The following EPHA7 variants were observed in gnomAD, a reference collection of about 807,000 sequenced individuals.
EPHA7 encodes EPH receptor A7.
In EPHA7, 25 loss-of-function variants were observed where a neutral mutation model predicts 112.6. That is an observed-to-expected ratio of 0.22 (90% CI 0.16 to 0.31). EPHA7 has a LOEUF of 0.31. EPHA7 is among the 10% of genes least tolerant of loss of function. The pLI is 1.00. For missense variants in EPHA7, 962 were observed against 1,212.6 expected (o/e 0.79, Z 3.07); for synonymous variants, 437 against 406.5 (o/e 1.07, Z -0.90).
At chr6:93,275,881 A>T (rs571025059) in intron 5 of EPHA7, among the ~76,000 whole-genome samples, 56 of 152,118 alleles carry the variant, frequency 3.7e-4, no homozygotes, top group Admixed American at 5.2e-4. Flanking sequence ...ATCTTAATCA[A>T]TTTCCAACTA....
At chr6:93,257,292 C>G (rs1181738135) in intron 12 of EPHA7, among the ~76,000 whole-genome samples, 170 bp downstream of exon 12, 1 of 152,024 alleles carries the variant, frequency 6.6e-6, no homozygotes, top group African/African-American at 2.4e-5. Context: ...TCAAAATATT[C>G]TAGTTTAATC....
chr6:93,334,571 T>C (rs1774763515), intron 5 of EPHA7, among the ~76,000 whole-genome samples: 1 of 152,018 alleles, frequency 6.6e-6, no homozygotes, highest in South Asian at 2.1e-4. Flanking sequence ...CTAACCAGCA[T>C]ATATAATACC....
At chr6:93,384,165 A>T (rs1777485269) in intron 3 of EPHA7, among the ~76,000 whole-genome samples, 2 of 152,130 alleles carry the variant, frequency 1.3e-5, no homozygotes, top group Admixed American at 1.3e-4. Flanking sequence ...CAGAAACCTA[A>T]TGTCATGTGT....
chr6:93,359,874 G>GAGAGAGAGAGAGAGAGAT (rs1462833873), intron 3 of EPHA7, among the ~76,000 whole-genome samples: 106 of 127,900 alleles, frequency 8.3e-4, no homozygotes, highest in South Asian at 1.6e-3. Context: ...GAGAGAGAGA[G>GAGAGAGAGAGAGAGAGAT]AGATAGATAG....
chr6:93,383,898 G>A lies in EPHA7; in HGVS notation c.833-25487C>T, dbSNP rs1261770566. ...AGACAAGGTCTTGCTTTGTTGCCCA[G>A]GCTGATCTCAAACTCCTAGCTTCAA... On this transcript the variant is annotated intron_variant, in intron 3 of 16. Transcript: ENST00000369303. Among the ~76,000 whole-genome samples, 3 of 152,032 alleles carry A rather than the reference G, an allele frequency of 2.0e-5. No homozygotes were observed. The East Asian group carries it at 5.8e-4, about 30-fold the overall frequency.
intron 5 of EPHA7, among the ~76,000 whole-genome samples, chr6:93,337,879 A>C (rs1351205718): frequency 6.6e-6 from 1 of 152,078 alleles, no homozygotes; most frequent in Non-Finnish European, 1.5e-5. Flanking sequence ...TTCATATTGT[A>C]GCATGCTTTT....
At position 93,284,921 on chromosome 6, in the gene EPHA7, A is replaced by G. The variant is rs187590957; in HGVS notation, c.1325-12499T>C. On this transcript the variant is annotated intron_variant, in intron 5 of 16. Coordinates refer to ENST00000369303, the MANE Select transcript of EPHA7 (RefSeq NM_004440.4). ...GATGATGGGTTGATGGGTGCAGCAA[A>G]CCACCATGGCGTGTGTATACCTATG... is the stretch of plus-strand genomic sequence containing the variant. Among the ~76,000 whole-genome samples, 1,376 of 152,136 alleles carry G rather than the reference A, an allele frequency of 9.0e-3. 13 individuals are homozygous for G. The highest frequency in any genetic ancestry group is 0.013 in the Non-Finnish European group (906 of 68,022).
chr6:93,405,809 GTGTGTATA>G (rs1176071344), intron 3 of EPHA7, among the ~76,000 whole-genome samples: 55 of 61,610 alleles, frequency 8.9e-4, no homozygotes, highest in African/African-American at 4.5e-3. Flanking sequence ...GTGTGTGTGT[GTGTGTATA>G]TATATATATA....
At chr6:93,245,490 T>C (rs1329673197) in intron 15 of EPHA7, 37 bp from the exon 16 acceptor site, 1 of 1,589,992 alleles carries the variant, frequency 6.3e-7, no homozygotes, top group Non-Finnish European at 8.5e-7. Flanking sequence ...AACATTATCC[T>C]GAAATACCAA....
At chr6:93,303,093 G>A (rs1018879193) in intron 5 of EPHA7, among the ~76,000 whole-genome samples, 1 of 152,088 alleles carries the variant, frequency 6.6e-6, no homozygotes, top group Admixed American at 6.6e-5. Context: ...CTCACACTGA[G>A]CACATGAAAA....
intron 5 of EPHA7, among the ~76,000 whole-genome samples, chr6:93,296,810 A>T (rs1772697294): frequency 6.6e-6 from 1 of 151,946 alleles, no homozygotes. Flanking sequence ...TAAACCAAGT[A>T]GTAATTACTT....
intron 3 of EPHA7, among the ~76,000 whole-genome samples, chr6:93,377,191 T>A (rs1777103670): frequency 6.6e-6 from 1 of 152,162 alleles, no homozygotes; most frequent in South Asian, 2.1e-4. Flanking sequence ...GGTATCTAGT[T>A]GGTAGACATC....
chr6:93,258,381 T>C (rs1770537931), intron 10 of EPHA7, 97 bp from the exon 11 acceptor site: 12 of 1,233,290 alleles, frequency 9.7e-6, no homozygotes, highest in East Asian at 2.4e-5. Flanking sequence ...TAACTTTTAG[T>C]AAATTATTTG....
In EPHA7 at chr6:93,240,275, T is replaced by G. The variant is rs1769635802; in HGVS notation, c.*3151A>C. 1 of 226,006 alleles carries G rather than the reference T, an allele frequency of 4.4e-6. No homozygotes were observed. Among genetic ancestry groups the G allele is most frequent in the African/African-American group, 2.2e-5 (1 of 44,972 alleles). The allele number at this position is 226,006 out of a possible 1,614,324, so 14.0% of individuals were successfully genotyped here. On this transcript the variant is annotated 3_prime_UTR_variant, in exon 17 of 17. Coordinates refer to ENST00000369303, the MANE Select transcript of EPHA7 (RefSeq NM_004440.4). ...TAGCAAAAAAATACACATCAGTAAT[T>G]TATTTGAACATGCACATCAGTGAGT...
intron 3 of EPHA7, among the ~76,000 whole-genome samples, chr6:93,360,041 G>A (rs764889522): frequency 3.3e-5 from 5 of 152,044 alleles, no homozygotes; most frequent in Non-Finnish European, 7.4e-5. Flanking sequence ...TAATACAAGA[G>A]GAAAGCAGTT....
At chr6:93,328,751 A>G (rs1288748554) in intron 5 of EPHA7, among the ~76,000 whole-genome samples, 3 of 151,394 alleles carry the variant, frequency 2.0e-5, no homozygotes, top group Non-Finnish European at 4.4e-5. Context: ...GAAGCCCTAC[A>G]TAATCAATGT....
intron 5 of EPHA7, among the ~76,000 whole-genome samples, chr6:93,296,699 TGAGGAGAAAATG>T (rs1772691301): frequency 6.6e-6 from 1 of 150,474 alleles, no homozygotes; most frequent in African/African-American, 2.4e-5. Flanking sequence ...AAGAAGGGGG[TGAGGAGAAAATG>T]GCATGATGCA....
chr6:93,258,018 AT>A, intron 11 of EPHA7, 80 bp downstream of exon 11: 1 of 1,296,254 alleles, frequency 7.7e-7, no homozygotes. Context: ...ATATTTCATA[AT>A]TTGTTTTATT....
At chr6:93,345,079 A>C (rs1466024704) in intron 5 of EPHA7, among the ~76,000 whole-genome samples, 1 of 151,644 alleles carries the variant, frequency 6.6e-6, no homozygotes, top group African/African-American at 2.4e-5. Flanking sequence ...TACTGTCTAT[A>C]CATGTCTATA....
Sources: gnomAD v4.1 joint callset for allele counts (sites outside exome capture counted in the v4.1 genomes callset) on GRCh38, gnomAD v4.1.1 for gene constraint, MANE v1.5 for transcripts, NCBI Gene and HGNC (gene_info 2026-07-23, HGNC 2026-07-21) for gene names.